The following DLGAP2 variants were observed in gnomAD, a reference collection of about 807,000 sequenced individuals.
The protein encoded by DLGAP2 is disks large-associated protein 2.
In DLGAP2, 26 loss-of-function variants were observed where a neutral mutation model predicts 100.3. That is an observed-to-expected ratio of 0.26 (90% CI 0.19 to 0.36). The LOEUF is 0.36. Among genes scored for constraint, DLGAP2 ranks in the 10% least tolerant of loss-of-function variants. DLGAP2 has a pLI of 1.00. For synonymous variants in DLGAP2, 886 were observed against 630.1 expected, an observed-to-expected ratio of 1.41 and a Z score of -6.08; for missense variants, 1,858 against 1,453.2, an observed-to-expected ratio of 1.28 and a Z score of -4.53.
At chr8:1,448,863 G>T (rs1265666564) in intron 3 of DLGAP2, among the ~76,000 whole-genome samples, 1 of 152,176 alleles carries the variant, frequency 6.6e-6, no homozygotes, top group East Asian at 1.9e-4. Context: ...TTCTAATGTT[G>T]ATCCTGACCC....
intron 2 of DLGAP2, among the ~76,000 whole-genome samples, chr8:1,135,428 A>G (rs1357891441): frequency 6.6e-6 from 1 of 150,938 alleles, no homozygotes; most frequent in African/African-American, 2.4e-5. Flanking sequence ...GAGAGGCGGA[A>G]ATGGTTTTAG....
intron 12 of DLGAP2, among the ~76,000 whole-genome samples, chr8:1,690,042 C>A (rs572065605): frequency 6.6e-6 from 1 of 152,268 alleles, no homozygotes; most frequent in South Asian, 2.1e-4. Context: ...AAAGTGGTGA[C>A]CATGCTGACA....
intron 1 of DLGAP2, among the ~76,000 whole-genome samples, chr8:774,286 C>G (rs1052120730): frequency 6.6e-6 from 1 of 152,122 alleles, no homozygotes; most frequent in African/African-American, 2.4e-5. Context: ...AATTTTCTCC[C>G]ATTTTGTGAG....
chr8:1,165,720 A>C (rs1390344399), intron 2 of DLGAP2, among the ~76,000 whole-genome samples: 3 of 152,180 alleles, frequency 2.0e-5, no homozygotes, highest in Non-Finnish European at 4.4e-5. Context: ...TGTTACAAAC[A>C]ATATTATGAA....
intron 13 of DLGAP2, among the ~76,000 whole-genome samples, chr8:1,691,841 G>A (rs1188414767): frequency 1.3e-5 from 2 of 148,252 alleles, no homozygotes; most frequent in African/African-American, 2.5e-5. Flanking sequence ...ATACGGCCCT[G>A]GTTTAAACGC....
chr8:974,235 T>A (rs985636431), intron 2 of DLGAP2, among the ~76,000 whole-genome samples: 17 of 152,052 alleles, frequency 1.1e-4, no homozygotes, highest in East Asian at 7.7e-4. Context: ...CTATAGAAAA[T>A]CAAAGATGAA....
At chr8:1,598,897 G>A (rs1796540049) in intron 6 of DLGAP2, among the ~76,000 whole-genome samples, 1 of 152,026 alleles carries the variant, frequency 6.6e-6, no homozygotes, top group South Asian at 2.1e-4. Context: ...GTTATTTCTT[G>A]TCTTATCTTA....
intron 6 of DLGAP2, among the ~76,000 whole-genome samples, chr8:1,583,129 A>T (rs1179742497): frequency 2.0e-5 from 3 of 152,182 alleles, no homozygotes; most frequent in Non-Finnish European, 4.4e-5. Context: ...AATAAACTGT[A>T]TTCTTGTACG....
intron 6 of DLGAP2, among the ~76,000 whole-genome samples, chr8:1,585,930 G>C (rs191702912): frequency 1.3e-5 from 2 of 152,190 alleles, no homozygotes; most frequent in Non-Finnish European, 2.9e-5. Context: ...GGACACTTTC[G>C]TGTGTGTATA....
At chr8:1,650,213 G>T (rs897232909) in intron 8 of DLGAP2, among the ~76,000 whole-genome samples, 9 of 152,152 alleles carry the variant, frequency 5.9e-5, no homozygotes, top group African/African-American at 1.7e-4. Context: ...TATGTATTTG[G>T]TACCTGATGT....
intron 1 of DLGAP2, among the ~76,000 whole-genome samples, chr8:825,417 G>C (rs1015796905): frequency 6.6e-6 from 1 of 152,168 alleles, no homozygotes; most frequent in African/African-American, 2.4e-5. Context: ...ACAGAAGCTG[G>C]CCTCTGCCCG....
chr8:1,530,671 T>G (rs1800959303), intron 4 of DLGAP2, among the ~76,000 whole-genome samples: 2 of 152,344 alleles, frequency 1.3e-5, no homozygotes, highest in Non-Finnish European at 2.9e-5. Flanking sequence ...CATAAGAAAT[T>G]ACAAAAGTAT....
rs554491234 is a variant in DLGAP2, at chr8:1,665,058, A to G, written c.1811-3271A>G. Among the ~76,000 whole-genome samples, 18 of 152,262 alleles carry G rather than the reference A, an allele frequency of 1.2e-4. No homozygotes were observed. In the East Asian group the frequency reaches 3.3e-3, roughly 28 times the overall value. On this transcript the variant is annotated intron_variant, in intron 8 of 14. Coordinates refer to ENST00000637795, the MANE Select transcript of DLGAP2 (RefSeq NM_001346810.2). Reference sequence around the variant, plus strand: ...TACAAAGAAATCAGTTTAAAAAATCATTTCATCAGCCTGTAGCAAACACAT... The same window carrying G: ...TACAAAGAAATCAGTTTAAAAAATCGTTTCATCAGCCTGTAGCAAACACAT...
chr8:1,128,005 A>C (rs1796206497), intron 2 of DLGAP2, among the ~76,000 whole-genome samples: 1 of 152,252 alleles, frequency 6.6e-6, no homozygotes, highest in African/African-American at 2.4e-5. Flanking sequence ...CAGGCTTTTT[A>C]GGTTTACATG....
At position 1,386,311 on chromosome 8, in the gene DLGAP2, G is replaced by A. The variant is rs550266387; in HGVS notation, c.107-115055G>A. ...GTCGGTGAGATTATAGATGGCAGGT[G>A]CATGAACTCCCCAGAACAATGAATA... On this transcript the variant is annotated intron_variant, in intron 3 of 14. Coordinates refer to ENST00000637795, the MANE Select transcript of DLGAP2 (RefSeq NM_001346810.2). Among the ~76,000 whole-genome samples, 8 of 152,310 alleles carry A rather than the reference G, an allele frequency of 5.3e-5. No individual in the cohort carries two copies. In the South Asian group the frequency reaches 1.5e-3, roughly 28 times the overall value.
intron 2 of DLGAP2, among the ~76,000 whole-genome samples, chr8:1,001,754 G>T (rs916755555): frequency 6.6e-6 from 1 of 152,102 alleles, no homozygotes; most frequent in Non-Finnish European, 1.5e-5. Context: ...ACACACATTT[G>T]AATGTCCTTC....
intron 2 of DLGAP2, among the ~76,000 whole-genome samples, chr8:1,023,333 G>C (rs1004977507): frequency 6.6e-6 from 1 of 152,030 alleles, no homozygotes; most frequent in Admixed American, 6.5e-5. Flanking sequence ...AGCTGTCTTC[G>C]CTCCTCTCTC....
At chr8:1,476,759 G>T (rs1798942200) in intron 3 of DLGAP2, among the ~76,000 whole-genome samples, 1 of 149,872 alleles carries the variant, frequency 6.7e-6, no homozygotes, top group African/African-American at 2.5e-5. Context: ...ACCCTTGATG[G>T]CCGAGTGCTG....
At chr8:1,206,506 C>T (rs77164646) in intron 2 of DLGAP2, among the ~76,000 whole-genome samples, 1,769 of 39,050 alleles carry the variant, frequency 0.045, 15 homozygotes, top group African/African-American at 0.16. Context: ...AGACTGTGAG[C>T]GGTTAATCTC....
Sources: gnomAD v4.1 joint callset for allele counts (sites outside exome capture counted in the v4.1 genomes callset) on GRCh38, gnomAD v4.1.1 for gene constraint, MANE v1.5 for transcripts, NCBI Gene and HGNC (gene_info 2026-07-23, HGNC 2026-07-21) for gene names.